The following CNOT10 variants were observed in gnomAD, a reference collection of about 807,000 sequenced individuals.
The protein encoded by CNOT10 is CCR4-NOT transcription complex, subunit 10.
In CNOT10, 30 loss-of-function variants were observed where a neutral mutation model predicts 94.6. The ratio of observed to expected loss-of-function variants is 0.32; its 90% CI spans 0.24 to 0.43. CNOT10 has a LOEUF of 0.43. Among genes scored for constraint, CNOT10 ranks in the 20% least tolerant of loss-of-function variants. The pLI is 1.00. For missense variants in CNOT10, 759 were observed against 877.2 expected (o/e 0.87, Z 1.70); for synonymous variants, 289 against 301.6 (o/e 0.96, Z 0.43).
chr3:32,685,698 G>T (rs902178399), intron 1 of CNOT10, among the ~76,000 whole-genome samples: 1 of 152,144 alleles, frequency 6.6e-6, no homozygotes, highest in Non-Finnish European at 1.5e-5. Flanking sequence ...ATTTGAAGTC[G>T]CCACTGGCCG....
chr3:32,695,648 C>T (rs984274838), intron 1 of CNOT10: 15 of 1,535,810 alleles, frequency 9.8e-6, no homozygotes, highest in Middle Eastern at 1.7e-4. Context: ...GGTGTAAAGA[C>T]TGTCAAGGTT....
rs201152453 is a variant in CNOT10, at chr3:32,703,962, A to G, written c.117A>G (p.Thr39=). 1.1e-5 allele frequency: 17 copies of G among 1,599,220 alleles called. No homozygotes were observed. The Admixed American group carries it at 2.7e-4, about 25-fold the overall frequency. ...CCACCAATGCTTTCCAAGCTTTCAC[A>G]GTAAGAAATGGCTTCTCTTAGTCTG... is the stretch of plus-strand genomic sequence containing the variant. The part of the protein sequence containing the change: ...ELSTNAFQAF[T]SGNYDACLQH... Residue 39 remains threonine, a splice_region_variant and synonymous_variant, in exon 2 of 19, where the codon ACA becomes ACG. Transcript: ENST00000328834.
intron 8 of CNOT10, among the ~76,000 whole-genome samples, chr3:32,724,243 C>CTTT (rs376534412): frequency 2.1e-4 from 27 of 126,788 alleles, no homozygotes; most frequent in Non-Finnish European, 2.4e-4. Flanking sequence ...TGTTCTGTTC[C>CTTT]TTTTTTTTTT....
At chr3:32,691,918 C>A (rs756642941) in intron 1 of CNOT10, among the ~76,000 whole-genome samples, 1 of 151,686 alleles carries the variant, frequency 6.6e-6, no homozygotes, top group Non-Finnish European at 1.5e-5. Flanking sequence ...TTAGTGGTGG[C>A]GCATGCCTGT....
chr3:32,702,045 G>C (rs1005756692), intron 1 of CNOT10, among the ~76,000 whole-genome samples: 2 of 150,486 alleles, frequency 1.3e-5, no homozygotes, highest in African/African-American at 4.9e-5. Flanking sequence ...TGATCCACCC[G>C]CCTTGGCCTC....
At chr3:32,741,987 TA>T (rs200822660) in intron 13 of CNOT10, among the ~76,000 whole-genome samples, 3,308 of 151,948 alleles carry the variant, frequency 0.022, 49 homozygotes, top group East Asian at 0.047. Flanking sequence ...TATTTTATTT[TA>T]TTTTTTTGCC....
chr3:32,762,834 T>C lies in CNOT10; in HGVS notation c.1811T>C (p.Leu604Ser). ...CCGGAGAATGTCACTGATGTCTCCT[T>C]AGGGATCTCTTCAAATGAGCAGGAC... Reference protein sequence around the residue: ...LNPENVTDVSLGISSNEQDQG... With the variant: ...LNPENVTDVSSGISSNEQDQG... The change falls in exon 15 of 19, where the codon TTA (leucine) becomes TCA (serine). Residue 604 changes from leucine (L) to serine (S), a missense_variant. Around this residue, in one of 3 missense-constraint regions of CNOT10, gnomAD observed 682 missense variants for 799.4 expected, o/e 0.85. Coordinates refer to ENST00000328834, the MANE Select transcript of CNOT10 (RefSeq NM_015442.3). The C allele has an allele frequency of 6.4e-7, 1 of 1,571,612 alleles. No homozygotes were observed. Among genetic ancestry groups the C allele is most frequent in the Non-Finnish European group, 8.6e-7 (1 of 1,167,052 alleles).
intron 8 of CNOT10, among the ~76,000 whole-genome samples, chr3:32,720,512 A>ATT (rs148136200): frequency 5.0e-5 from 7 of 138,968 alleles, no homozygotes; most frequent in African/African-American, 8.1e-5. Flanking sequence ...ATTTTATTTT[A>ATT]TTTTATTTTT....
rs773442374 is a variant in CNOT10 at position 32,764,804 on chromosome 3, C to T, written c.1999C>T (p.His667Tyr). The change falls in exon 17 of 19, where the codon CAC (histidine) becomes TAC (tyrosine). Residue 667 changes from histidine to tyrosine, a missense_variant. Transcript: ENST00000328834. ...SEYDKARKCL[H>Y]QAASMIHPKE... Reference sequence around the variant, plus strand: ...ATATGACAAAGCCCGAAAGTGTCTCCACCAGGTGAGTCCAGAGTGGGAGGA... The same window carrying T: ...ATATGACAAAGCCCGAAAGTGTCTCTACCAGGTGAGTCCAGAGTGGGAGGA... 9.9e-6 allele frequency: 16 copies of T among 1,614,034 alleles called. No homozygotes were observed. In the Admixed American group the frequency reaches 1.3e-4, roughly 13 times the overall value.
intron 12 of CNOT10, among the ~76,000 whole-genome samples, chr3:32,736,245 C>A (rs976567201): frequency 2.0e-5 from 3 of 152,028 alleles, no homozygotes; most frequent in African/African-American, 7.3e-5. Context: ...CGCCACTATG[C>A]CCGGCTAATT....
chr3:32,724,567 C>G (rs1467497650), intron 8 of CNOT10, among the ~76,000 whole-genome samples: 1 of 151,676 alleles, frequency 6.6e-6, no homozygotes, highest in African/African-American at 2.4e-5. Context: ...CGCCCGCCAC[C>G]ACGCCCGGCT....
At chr3:32,747,014 G>A (rs147629775) in intron 13 of CNOT10, among the ~76,000 whole-genome samples, 1 of 151,816 alleles carries the variant, frequency 6.6e-6, no homozygotes, top group Non-Finnish European at 1.5e-5. Context: ...CTACACGGGG[G>A]GCTGAGGCAG....
chr3:32,721,772 G>A (rs1291793105), intron 8 of CNOT10, among the ~76,000 whole-genome samples: 2 of 149,744 alleles, frequency 1.3e-5, no homozygotes, highest in African/African-American at 2.5e-5. Context: ...TCAGCCTCCC[G>A]AGTAGCTGAG....
At position 32,716,261 on chromosome 3, in the gene CNOT10, A is replaced by G; in HGVS notation, c.610A>G (p.Lys204Glu). ...NNNNKDGSNH[K>E]AESGALIEAA... ...CAACAACAAAGATGGATCTAATCAT[A>G]AAGCTGAAAGTGGAGCTCTAATAGA... Residue 204 changes from lysine (K) to glutamate (E), a missense_variant, in exon 6 of 19, where the codon AAA (lysine) becomes GAA (glutamate). Coordinates refer to ENST00000328834, the MANE Select transcript of CNOT10 (RefSeq NM_015442.3). 1 of 1,605,106 alleles carries G rather than the reference A, an allele frequency of 6.2e-7. No individual in the cohort carries two copies.
intron 18 of CNOT10, among the ~76,000 whole-genome samples, chr3:32,772,597 T>C (rs1278929123): frequency 6.6e-6 from 1 of 152,152 alleles, no homozygotes; most frequent in East Asian, 1.9e-4. Flanking sequence ...CTCTGGAGGC[T>C]GAGGCAGGAG....
intron 1 of CNOT10, among the ~76,000 whole-genome samples, chr3:32,686,343 A>G (rs1218634765): frequency 6.6e-6 from 1 of 152,252 alleles, no homozygotes; most frequent in Admixed American, 6.5e-5. Flanking sequence ...TTTTACAGTG[A>G]ATTTAATTTA....
intron 1 of CNOT10, chr3:32,695,777 A>G: frequency 6.5e-7 from 1 of 1,536,000 alleles, no homozygotes; most frequent in East Asian, 2.4e-5. Flanking sequence ...AACGGAGACT[A>G]CTTTTGGGCA....
chr3:32,743,631 C>T (rs747577849), intron 13 of CNOT10, among the ~76,000 whole-genome samples: 1 of 152,094 alleles, frequency 6.6e-6, no homozygotes, highest in Non-Finnish European at 1.5e-5. Context: ...GAGACTCTGT[C>T]TCACATACAC....
Position 32,764,669 on chromosome 3 carries a change from T to TC in CNOT10, c.1877-12dup. On this transcript the variant is annotated splice_polypyrimidine_tract_variant and intron_variant, in intron 16 of 18. Coordinates refer to ENST00000328834, the MANE Select transcript of CNOT10 (RefSeq NM_015442.3). ...ACGGCCTCTTCACCAGTGTCTACAC[T>TC]CTTTTTCCCCAGCTGGTAAGCGGGC... 1 of 1,613,556 alleles carries TC rather than the reference T, an allele frequency of 6.2e-7. No individual in the cohort carries two copies. Among genetic ancestry groups the TC allele is most frequent in the Non-Finnish European group, 8.5e-7 (1 of 1,179,838 alleles).
Sources: allele counts gnomAD v4.1 joint callset (sites outside exome capture counted in the v4.1 genomes callset), GRCh38; gene constraint gnomAD v4.1.1; regional missense constraint gnomAD v4.1.1; transcripts MANE v1.5; gene names NCBI Gene and HGNC (gene_info 2026-07-23, HGNC 2026-07-21).